Variants in PINX1 observed in about 807,000 individuals in gnomAD.
PINX1 encodes PIN2/TERF1-interacting telomerase inhibitor 1.
PINX1 carries 34 observed loss-of-function variants against 25.4 expected under a neutral mutation model. The observed-to-expected ratio is 1.34, with a 90% CI of 1.02 to 1.78. PINX1 has a LOEUF of 1.78. Ranked by LOEUF, PINX1 falls within the 40% of genes most tolerant of loss-of-function variation. The pLI is 0.00. For missense variants in PINX1, 592 were observed against 404.9 expected (o/e 1.46, Z -3.97); for synonymous variants, 197 against 147.7 (o/e 1.33, Z -2.42).
intron 6 of PINX1, among the ~76,000 whole-genome samples, chr8:10,770,649 G>C (rs145397411): frequency 2.8e-3 from 424 of 152,308 alleles, no homozygotes; most frequent in African/African-American, 9.5e-3. Flanking sequence ...TGCCCAAATA[G>C]AGAGGATTCT....
chr8:10,792,882 T>C (rs971788167), intron 6 of PINX1, among the ~76,000 whole-genome samples: 6 of 152,142 alleles, frequency 3.9e-5, no homozygotes, highest in Non-Finnish European at 8.8e-5. Flanking sequence ...CAATACACCA[T>C]CTCATTATCT....
intron 5 of PINX1, chr8:10,822,138 A>T (rs1217963975): frequency 6.6e-6 from 1 of 152,228 alleles, no homozygotes; most frequent in Non-Finnish European, 1.5e-5. Context: ...GAAAACAAGA[A>T]CACAGAGAAG....
chr8:10,806,025 G>A (rs111589091), intron 6 of PINX1, among the ~76,000 whole-genome samples: 2 of 17,112 alleles, frequency 1.2e-4, no homozygotes, highest in African/African-American at 1.7e-3. Context: ...AGGGGGTGAC[G>A]GAGCACAGGA....
At chr8:10,825,546 T>C (rs1798010526) in intron 5 of PINX1, 3 of 499,114 alleles carry the variant, frequency 6.0e-6, no homozygotes, top group Middle Eastern at 3.3e-4. Context: ...CATGCACAAA[T>C]GATTTCACAT....
chr8:10,800,872 G>A (rs1393963108), intron 6 of PINX1, among the ~76,000 whole-genome samples: 1 of 152,140 alleles, frequency 6.6e-6, no homozygotes, highest in Admixed American at 6.5e-5. Flanking sequence ...ACTTGATCCA[G>A]GCGCTCAGCT....
At chr8:10,825,355 T>C (rs775134108) in intron 5 of PINX1, 1 of 534,632 alleles carries the variant, frequency 1.9e-6, no homozygotes, top group African/African-American at 1.9e-5. Flanking sequence ...GAAAGAACCA[T>C]CAACAGAGAC....
chr8:10,819,046 C>T (rs1797786499), intron 6 of PINX1, among the ~76,000 whole-genome samples: 1 of 152,226 alleles, frequency 6.6e-6, no homozygotes, highest in Admixed American at 6.5e-5. Context: ...GTCAGAGCGG[C>T]TCCTCCCTAG....
intron 5 of PINX1, among the ~76,000 whole-genome samples, chr8:10,820,719 T>G (rs1398329890): frequency 6.6e-6 from 1 of 152,156 alleles, no homozygotes; most frequent in Non-Finnish European, 1.5e-5. Flanking sequence ...AGACCCCACA[T>G]ATGCACATGA....
At chr8:10,805,416 T>C (rs1222003964) in intron 6 of PINX1, among the ~76,000 whole-genome samples, 1 of 152,260 alleles carries the variant, frequency 6.6e-6, no homozygotes, top group Non-Finnish European at 1.5e-5. Context: ...ACTCGAAGAT[T>C]GATGCTTAAC....
chr8:10,772,388 G>C (rs570557784), intron 6 of PINX1, among the ~76,000 whole-genome samples: 1 of 152,374 alleles, frequency 6.6e-6, no homozygotes, highest in Non-Finnish European at 1.5e-5. Context: ...CCTGCCCTGA[G>C]CCACTATGGC....
intron 5 of PINX1, among the ~76,000 whole-genome samples, chr8:10,824,284 G>C (rs933501721): frequency 6.6e-6 from 1 of 152,168 alleles, no homozygotes. Flanking sequence ...CCACCCTAGA[G>C]GAAACTTTAA....
intron 6 of PINX1, among the ~76,000 whole-genome samples, chr8:10,816,066 G>A (rs1209634247): frequency 6.6e-6 from 1 of 152,336 alleles, no homozygotes; most frequent in Admixed American, 6.5e-5. Flanking sequence ...CACGGGCGGT[G>A]TTGGAGGGGT....
intron 5 of PINX1, 78 bp from the exon 6 acceptor site, chr8:10,820,347 C>A (rs942061603): frequency 5.1e-6 from 5 of 979,450 alleles, no homozygotes; most frequent in Non-Finnish European, 8.1e-6. Context: ...TATGCAGCAC[C>A]TCAAAGGAAA....
intron 6 of PINX1, among the ~76,000 whole-genome samples, chr8:10,792,659 C>T (rs1011113784): frequency 3.9e-5 from 6 of 152,080 alleles, no homozygotes; most frequent in African/African-American, 7.2e-5. Flanking sequence ...TACACGCCGC[C>T]GGTACTCTGG....
At chr8:10,805,802 C>T (rs1802430639) in intron 6 of PINX1, among the ~76,000 whole-genome samples, 1 of 123,558 alleles carries the variant, frequency 8.1e-6, no homozygotes, top group African/African-American at 2.9e-5. Flanking sequence ...AGGAAGAAGC[C>T]ACACTAGTGC....
At chr8:10,835,311 C>T (rs1301927773) in intron 1 of PINX1, among the ~76,000 whole-genome samples, 2 of 152,240 alleles carry the variant, frequency 1.3e-5, no homozygotes, top group African/African-American at 2.4e-5. Flanking sequence ...ACCATTGTCA[C>T]TGGCAGATAT....
chr8:10,766,152 G>A (rs1410029642), intron 6 of PINX1, among the ~76,000 whole-genome samples: 1 of 152,160 alleles, frequency 6.6e-6, no homozygotes, highest in African/African-American at 2.4e-5. Context: ...ACTCCGGCTG[G>A]GTACCAGGTG....
At chr8:10,823,858 A>T (rs1797951615) in intron 5 of PINX1, among the ~76,000 whole-genome samples, 1 of 152,106 alleles carries the variant, frequency 6.6e-6, no homozygotes. Context: ...GATACAGCTG[A>T]TATTTAGGCA....
intron 6 of PINX1, among the ~76,000 whole-genome samples, chr8:10,802,151 T>A (rs1051479483): frequency 6.6e-6 from 1 of 152,130 alleles, no homozygotes; most frequent in Non-Finnish European, 1.5e-5. Context: ...AAAAAAACTT[T>A]AGCATAATCA....
Sources: allele counts gnomAD v4.1 joint callset (sites outside exome capture counted in the v4.1 genomes callset), GRCh38; gene constraint gnomAD v4.1.1; transcripts MANE v1.5; gene names NCBI Gene and HGNC (gene_info 2026-07-23, HGNC 2026-07-21).